UBE2Q2: variants seen among roughly 807,000 people sequenced by gnomAD.
UBE2Q2 encodes ubiquitin-conjugating enzyme E2 Q2.
UBE2Q2 carries 54 observed loss-of-function variants against 59.9 expected under a neutral mutation model. The observed-to-expected ratio is 0.90, with a 90% CI of 0.72 to 1.13. The LOEUF is 1.13. UBE2Q2 is among the 50% of genes most tolerant of loss of function. UBE2Q2 has a pLI of 0.00. For missense variants in UBE2Q2, 433 were observed against 441.9 expected (o/e 0.98, Z 0.18); for synonymous variants, 165 against 155.2 (o/e 1.06, Z -0.47).
chr15:75,889,006 CTCA>C (rs1898946603), intron 9 of UBE2Q2, among the ~76,000 whole-genome samples: 2 of 152,184 alleles, frequency 1.3e-5, no homozygotes, highest in African/African-American at 4.8e-5. Flanking sequence ...TTGATGTTAA[CTCA>C]TCAACCGATT....
intron 1 of UBE2Q2, among the ~76,000 whole-genome samples, chr15:75,849,698 T>C (rs1354670928): frequency 6.6e-6 from 1 of 152,202 alleles, no homozygotes; most frequent in East Asian, 1.9e-4. Flanking sequence ...CACAGACAAC[T>C]TCATTCTCAC....
intron 1 of UBE2Q2, among the ~76,000 whole-genome samples, chr15:75,851,853 A>G (rs60846313): frequency 0.036 from 5,433 of 152,074 alleles, 173 homozygotes; most frequent in African/African-American, 0.081. Flanking sequence ...ATGTAGTAAA[A>G]TTTTCACTGC....
intron 3 of UBE2Q2, among the ~76,000 whole-genome samples, chr15:75,861,558 ATTTTATT>A (rs1897210000): frequency 6.6e-6 from 1 of 151,890 alleles, no homozygotes; most frequent in Non-Finnish European, 1.5e-5. Flanking sequence ...TCTCCTTTCC[ATTTTATT>A]TGTTCATTTT....
At position 75,900,234 on chromosome 15, in the gene UBE2Q2, C is replaced by G. The variant is rs571259048; in HGVS notation, c.*776C>G. 6.6e-6 allele frequency: 1 copy of G among 152,284 alleles called. No homozygotes were observed. Among genetic ancestry groups the G allele is most frequent in the South Asian group, 2.1e-4 (1 of 4,816 alleles). 9.4% of individuals were successfully genotyped at this position (152,284 alleles called of 1,614,324 possible). A position where few individuals can be genotyped will look rare whatever the true frequency, so the allele number is the denominator to read the frequency against. On this transcript the variant is annotated 3_prime_UTR_variant, in exon 13 of 13. Transcript: ENST00000267938. ...TAAAATACTAAGTCATCTTACGTTT[C>G]CATTTTATTAACGGGATGTTGCAAT...
intron 1 of UBE2Q2, chr15:75,844,302 C>G: frequency 6.5e-7 from 1 of 1,546,968 alleles, no homozygotes; most frequent in Non-Finnish European, 8.7e-7. Context: ...TTTCCTTCTT[C>G]CCGCTTGTTC....
intron 6 of UBE2Q2, 109 bp downstream of exon 6, chr15:75,876,380 C>T (rs1898082803): frequency 1.0e-6 from 1 of 974,180 alleles, no homozygotes; most frequent in Admixed American, 2.7e-5. Flanking sequence ...TGTTTACTAG[C>T]TTTATTTCAG....
intron 1 of UBE2Q2, among the ~76,000 whole-genome samples, chr15:75,849,519 T>C (rs1394697161): frequency 1.3e-5 from 2 of 152,228 alleles, no homozygotes; most frequent in African/African-American, 4.8e-5. Flanking sequence ...AGAAAGTTAC[T>C]TCTAAATAAG....
chr15:75,850,847 A>G (rs1206375404), intron 1 of UBE2Q2, among the ~76,000 whole-genome samples: 1 of 152,214 alleles, frequency 6.6e-6, no homozygotes, highest in Non-Finnish European at 1.5e-5. Context: ...TATCACTACA[A>G]GTTAAATCAG....
chr15:75,851,799 G>A (rs549483596), intron 1 of UBE2Q2, among the ~76,000 whole-genome samples: 1 of 152,224 alleles, frequency 6.6e-6, no homozygotes, highest in African/African-American at 2.4e-5. Flanking sequence ...TATACTTCCC[G>A]TTTCATCACT....
At chr15:75,868,901 C>T (rs770458833) in intron 3 of UBE2Q2, 50 bp from the exon 4 acceptor site, 2 of 1,548,324 alleles carry the variant, frequency 1.3e-6, no homozygotes, top group South Asian at 1.1e-5. Flanking sequence ...TGTACTCAGC[C>T]TGTGCATATT....
chr15:75,849,678 A>G (rs1896537184), intron 1 of UBE2Q2, among the ~76,000 whole-genome samples: 1 of 152,190 alleles, frequency 6.6e-6, no homozygotes, highest in Non-Finnish European at 1.5e-5. Flanking sequence ...AGTAATGTTT[A>G]TGGTAGCTTC....
At chr15:75,860,892 A>AG (rs1469028846) in intron 3 of UBE2Q2, among the ~76,000 whole-genome samples, 1 of 152,170 alleles carries the variant, frequency 6.6e-6, no homozygotes, top group African/African-American at 2.4e-5. Flanking sequence ...CTATATTCTC[A>AG]GGTAAAACCC....
At chr15:75,891,103 T>G in intron 11 of UBE2Q2, 89 bp downstream of exon 11, 2 of 980,046 alleles carry the variant, frequency 2.0e-6, no homozygotes, top group South Asian at 3.8e-5. Context: ...AATTCTTTTT[T>G]GAGATAGTTT....
At chr15:75,860,996 A>G (rs1360486503) in intron 3 of UBE2Q2, among the ~76,000 whole-genome samples, 1 of 152,184 alleles carries the variant, frequency 6.6e-6, no homozygotes, top group African/African-American at 2.4e-5. Context: ...GATAGGTTTG[A>G]ATCTTTGTTC....
intron 1 of UBE2Q2, 91 bp from the exon 2 acceptor site, chr15:75,854,295 A>G (rs1896789892): frequency 8.5e-6 from 8 of 941,582 alleles, no homozygotes; most frequent in South Asian, 1.8e-5. Context: ...GTTTAAATCC[A>G]TGGTCATCTT....
intron 1 of UBE2Q2, among the ~76,000 whole-genome samples, chr15:75,847,052 CCTTA>C (rs1478754263): frequency 1.3e-5 from 2 of 152,130 alleles, no homozygotes; most frequent in Non-Finnish European, 2.9e-5. Flanking sequence ...CTTCTTTAGT[CCTTA>C]CTATTTTTGC....
At chr15:75,878,204 A>G (rs750427975) in intron 7 of UBE2Q2, 183 bp downstream of exon 7, 1 of 544,224 alleles carries the variant, frequency 1.8e-6, no homozygotes, top group Non-Finnish European at 3.2e-6. Flanking sequence ...TAAGAAAGTG[A>G]GAAAGAGGAA....
At chr15:75,850,161 C>T (rs538087476) in intron 1 of UBE2Q2, among the ~76,000 whole-genome samples, 8 of 152,162 alleles carry the variant, frequency 5.3e-5, no homozygotes, top group Non-Finnish European at 8.8e-5. Flanking sequence ...AGTTTCCTGG[C>T]GTGGTGGATA....
At chr15:75,899,367 G>C (rs1185984204) in intron 12 of UBE2Q2, 60 bp from the exon 13 acceptor site, 56 of 1,291,884 alleles carry the variant, frequency 4.3e-5, no homozygotes, top group Non-Finnish European at 5.4e-5. Flanking sequence ...CTTATTACAT[G>C]CCAGTTCTTC....
Sources: gnomAD v4.1 joint callset for allele counts (sites outside exome capture counted in the v4.1 genomes callset) on GRCh38, gnomAD v4.1.1 for gene constraint, MANE v1.5 for transcripts, NCBI Gene and HGNC (gene_info 2026-07-23, HGNC 2026-07-21) for gene names.